KIAA1217: variants seen among roughly 807,000 people sequenced by gnomAD.
The protein encoded by KIAA1217 is KIAA1217, also known as sickle tail protein homolog.
KIAA1217 carries 88 observed loss-of-function variants against 163.9 expected under a neutral mutation model. The ratio of observed to expected loss-of-function variants is 0.54; its 90% confidence interval spans 0.45 to 0.64. KIAA1217 has a LOEUF of 0.64. Ranked by LOEUF, KIAA1217 falls within the 30% of genes least tolerant of loss-of-function variation. The pLI is 0.00. For missense variants in KIAA1217, 2,372 were observed against 2,475.0 expected (o/e 0.96, Z 0.88); for synonymous variants, 903 against 923.1 (o/e 0.98, Z 0.39).
intron 5 of KIAA1217, among the ~76,000 whole-genome samples, chr10:24,441,352 A>G (rs1435815167): frequency 6.6e-6 from 1 of 152,094 alleles, no homozygotes; most frequent in East Asian, 1.9e-4. Flanking sequence ...GAGGGGCAAC[A>G]AAAGTCACAC....
intron 1 of KIAA1217, among the ~76,000 whole-genome samples, chr10:23,985,296 C>T (rs888484871): frequency 1.3e-5 from 2 of 152,178 alleles, no homozygotes; most frequent in African/African-American, 2.4e-5. Flanking sequence ...CATATGTCAA[C>T]TCTACATGTC....
At chr10:24,334,259 G>A (rs1278563206) in intron 2 of KIAA1217, among the ~76,000 whole-genome samples, 2 of 152,164 alleles carry the variant, frequency 1.3e-5, no homozygotes, top group African/African-American at 4.8e-5. Flanking sequence ...TTCACTAGGG[G>A]TTGGGCATGG....
chr10:24,048,787 C>A (rs1191409610), intron 2 of KIAA1217, among the ~76,000 whole-genome samples: 2 of 151,016 alleles, frequency 1.3e-5, no homozygotes, highest in Non-Finnish European at 2.9e-5. Flanking sequence ...CATCCCAGCA[C>A]TTTGGGCGGC....
chr10:24,026,742 A>ATTTTTTTTTTTTTTTTTTTTTTGTT, intron 2 of KIAA1217, among the ~76,000 whole-genome samples: 2 of 70,092 alleles, frequency 2.9e-5, no homozygotes, highest in Admixed American at 1.5e-4. Context: ...TATTTCATTG[A>ATTTTTTTTTTTTTTTTTTTTTTGTT]TTTTTTTTTT....
intron 6 of KIAA1217, among the ~76,000 whole-genome samples, chr10:24,476,069 C>T (rs559563138): frequency 2.6e-5 from 4 of 152,252 alleles, no homozygotes; most frequent in East Asian, 3.9e-4. Context: ...ACTGTTTCCA[C>T]CCCGGTTCTT....
chr10:24,013,154 T>G (rs987766809), intron 2 of KIAA1217, among the ~76,000 whole-genome samples: 6 of 152,078 alleles, frequency 3.9e-5, no homozygotes, highest in Non-Finnish European at 7.4e-5. Flanking sequence ...AGTGGTGATT[T>G]CACTGTTTAA....
intron 3 of KIAA1217, among the ~76,000 whole-genome samples, chr10:24,400,232 G>A (rs1172028627): frequency 6.6e-6 from 1 of 152,204 alleles, no homozygotes; most frequent in African/African-American, 2.4e-5. Context: ...ACCGTGCACA[G>A]GGATGAAGCC....
chr10:23,863,605 A>G (rs1337859845), intron 1 of KIAA1217, among the ~76,000 whole-genome samples: 1 of 152,134 alleles, frequency 6.6e-6, no homozygotes, highest in Non-Finnish European at 1.5e-5. Flanking sequence ...CTTGATTTGT[A>G]CTTGCCAGCC....
chr10:23,757,372 A>C (rs1243167421), intron 1 of KIAA1217, among the ~76,000 whole-genome samples: 1 of 152,204 alleles, frequency 6.6e-6, no homozygotes, highest in African/African-American at 2.4e-5. Flanking sequence ...CTACAACCCC[A>C]CTAACACCGG....
At position 23,894,859 on chromosome 10, in the gene KIAA1217, T is replaced by C. The variant is rs547247807; in HGVS notation, c.-320-112366T>C. Among the ~76,000 whole-genome samples the C allele has an allele frequency of 3.5e-3, 525 of 151,962 alleles. 7 individuals carry two copies. The highest frequency in any genetic ancestry group is 0.011 in the African/African-American group (453 of 41,464). On this transcript the variant is annotated intron_variant, in intron 1 of 18. Coordinates refer to the KIAA1217 transcript ENST00000376462. ...CCACATATCTACAACTATCTGATCT[T>C]TGACAAACCTGAGAAAAACAAGCAA...
At chr10:24,157,967 G>C in intron 2 of KIAA1217, 2 of 740,278 alleles carry the variant, frequency 2.7e-6, no homozygotes, top group South Asian at 1.5e-5. Flanking sequence ...GCCAGCCCTG[G>C]TGACTCCACA....
intron 2 of KIAA1217, among the ~76,000 whole-genome samples, chr10:24,099,218 G>A (rs2062294068): frequency 1.3e-5 from 2 of 149,886 alleles, no homozygotes; most frequent in Admixed American, 1.3e-4. Context: ...AAGTTCTAGG[G>A]TACATGTGCA....
At chr10:23,950,537 G>A (rs1938047) in intron 1 of KIAA1217, among the ~76,000 whole-genome samples, 65,433 of 151,732 alleles carry the variant, frequency 0.43, 17,600 homozygotes, top group African/African-American at 0.77. Context: ...GGCCGGGCCT[G>A]CTCTAGGGGT....
intron 2 of KIAA1217, among the ~76,000 whole-genome samples, chr10:24,311,972 A>G (rs2042756488): frequency 6.6e-6 from 1 of 152,166 alleles, no homozygotes; most frequent in African/African-American, 2.4e-5. Flanking sequence ...TCTCTGCTCT[A>G]CAAAGTGGAC....
chr10:23,721,904 T>C (rs1837889814), intron 1 of KIAA1217, among the ~76,000 whole-genome samples: 1 of 152,162 alleles, frequency 6.6e-6, no homozygotes, highest in Admixed American at 6.6e-5. Context: ...TTTCCTATCT[T>C]TCTTGCTTTT....
At chr10:24,060,335 G>T (rs549016466) in intron 2 of KIAA1217, among the ~76,000 whole-genome samples, 4 of 151,818 alleles carry the variant, frequency 2.6e-5, no homozygotes, top group Non-Finnish European at 4.4e-5. Context: ...CATTTTTGTT[G>T]GTTGCAAGAT....
chr10:24,436,757 CAAAAAAAAAAAAAAAAAAAA>C lies in KIAA1217; in HGVS notation c.753-1621_753-1602del, dbSNP rs10560676. ...TGGGCGACAGAGTGAGACTCCGTCT[CAAAAAAAAAAAAAAAAAAAA>C]AAAAAAAGACAAAAGAAAAGTATCA... On this transcript the variant is annotated intron_variant, in intron 4 of 20. Transcript: ENST00000376454. 2.8e-5 allele frequency among the ~76,000 whole-genome samples: 2 copies of C among 70,874 alleles called. 1 individual carries two copies. Among genetic ancestry groups the C allele is most frequent in the Non-Finnish European group, 4.8e-5 (2 of 41,558 alleles). The allele number at this position is 70,874 out of a possible 152,430, so 46.5% of individuals were successfully genotyped here.
At chr10:24,015,304 A>G (rs2131499765) in intron 2 of KIAA1217, among the ~76,000 whole-genome samples, 1 of 152,290 alleles carries the variant, frequency 6.6e-6, no homozygotes, top group Non-Finnish European at 1.5e-5. Context: ...GCTTAAAACA[A>G]TGAAGATTTA....
intron 1 of KIAA1217, among the ~76,000 whole-genome samples, chr10:23,892,237 T>G (rs1486223106): frequency 6.6e-6 from 1 of 152,032 alleles, no homozygotes; most frequent in Non-Finnish European, 1.5e-5. Context: ...CTGTTCAATT[T>G]GAAAATTCCC....
Sources: gnomAD v4.1 joint callset for allele counts (sites outside exome capture counted in the v4.1 genomes callset) on GRCh38, gnomAD v4.1.1 for gene constraint, MANE v1.5 for transcripts, NCBI Gene and HGNC (gene_info 2026-07-23, HGNC 2026-07-21) for gene names.